The following PEX14 variants were observed in gnomAD, a reference collection of about 807,000 sequenced individuals.
PEX14 encodes the protein peroxisomal biogenesis factor 14.
A neutral mutation model predicts 49.5 loss-of-function variants in PEX14; 15 were observed. The observed-to-expected ratio is 0.30, with a 90% CI of 0.20 to 0.47. PEX14 has a LOEUF of 0.47. Among genes scored for constraint, PEX14 ranks in the 20% least tolerant of loss-of-function variants. The pLI is 1.00. For synonymous variants in PEX14, 210 were observed against 212.7 expected (o/e 0.99, Z 0.11); for missense variants, 398 against 494.8 (o/e 0.80, Z 1.86).
Position 10,630,134 on chromosome 1 carries a change from C to A in PEX14, c.*147C>A. The A allele has an allele frequency of 1.6e-6, 2 of 1,273,114 alleles. No individual in the cohort carries two copies. Among genetic ancestry groups the A allele is most frequent in the Admixed American group, 2.4e-5 (1 of 41,424 alleles). The allele number at this position is 1,273,114 out of a possible 1,614,324, so 78.9% of individuals were successfully genotyped here. A position where few individuals can be genotyped will look rare whatever the true frequency, so the allele number is the denominator to read the frequency against. On this transcript the variant is annotated 3_prime_UTR_variant, in exon 9 of 9. Coordinates refer to ENST00000356607, the MANE Select transcript of PEX14 (RefSeq NM_004565.3). The surrounding 1 kb of genome is among the most constrained non-coding windows in gnomAD (Gnocchi z 4.1). ...CCTCAGCTGCACTGCGGCCTGGTGG[C>A]AGTGTGGGGAGTCACACTTCTGTCC...
intron 3 of PEX14, among the ~76,000 whole-genome samples, chr1:10,543,256 TCCCGAGTAA>T (rs1639071175): frequency 6.6e-6 from 1 of 152,360 alleles, no homozygotes; most frequent in South Asian, 2.1e-4. Context: ...TGCCTCAGCC[TCCCGAGTAA>T]CTGGGATTAC....
intron 3 of PEX14, among the ~76,000 whole-genome samples, chr1:10,558,505 C>G (rs1398139212): frequency 6.6e-6 from 1 of 151,866 alleles, no homozygotes. Flanking sequence ...GAGGCCGAGA[C>G]AGGTAGATCA....
intron 4 of PEX14, among the ~76,000 whole-genome samples, chr1:10,605,110 C>T (rs1273603806): frequency 6.6e-6 from 1 of 152,018 alleles, no homozygotes; most frequent in Non-Finnish European, 1.5e-5. Flanking sequence ...AGTTCTGAGG[C>T]TTAAAAAAAT....
chr1:10,480,857 CTCTA>C (rs755362879), intron 1 of PEX14, among the ~76,000 whole-genome samples: 41 of 139,560 alleles, frequency 2.9e-4, no homozygotes, highest in South Asian at 2.7e-3. Context: ...CTCTCTCTCT[CTCTA>C]TATATATATT....
intron 3 of PEX14, among the ~76,000 whole-genome samples, chr1:10,598,437 A>G (rs1180919859): frequency 2.0e-5 from 3 of 152,180 alleles, no homozygotes; most frequent in Admixed American, 6.5e-5. Context: ...TGCGGCCTTC[A>G]TGGGTTTTCA....
rs759031948 is a variant in PEX14 at position 10,629,480 on chromosome 1, G to A, written c.678-51G>A. 1.5e-6 allele frequency: 2 copies of A among 1,331,902 alleles called. No individual in the cohort carries two copies. Among genetic ancestry groups the A allele is most frequent in the South Asian group, 2.3e-5 (2 of 85,116 alleles). 82.5% of individuals were successfully genotyped at this position (1,331,902 alleles called of 1,614,324 possible). A position where few individuals can be genotyped will look rare whatever the true frequency, so the allele number is the denominator to read the frequency against. ...TCAGGGAAGGCGTGGCCCTTCGAAG[G>A]GGGGCGTCCTGAATGCCGCCACCAA... On this transcript the variant is annotated intron_variant, in intron 8 of 8. Coordinates refer to ENST00000356607, the MANE Select transcript of PEX14 (RefSeq NM_004565.3). This position sits in a 1 kb window ranked among gnomAD's most constrained non-coding sequence, Gnocchi z 8.5.
At chr1:10,617,904 G>A (rs993656451) in intron 4 of PEX14, among the ~76,000 whole-genome samples, 3 of 152,086 alleles carry the variant, frequency 2.0e-5, no homozygotes, top group African/African-American at 7.2e-5. Flanking sequence ...TGGTTCTGCT[G>A]TGGCCCCCAG....
intron 3 of PEX14, among the ~76,000 whole-genome samples, chr1:10,547,158 C>T (rs1346390685): frequency 1.3e-5 from 2 of 152,170 alleles, no homozygotes; most frequent in Non-Finnish European, 2.9e-5. Flanking sequence ...CCTGGAAAAG[C>T]AACGACAGGA....
chr1:10,496,375 A>C (rs1409785301), intron 2 of PEX14, among the ~76,000 whole-genome samples: 1 of 152,130 alleles, frequency 6.6e-6, no homozygotes, highest in African/African-American at 2.4e-5. Context: ...GGTATTGCCC[A>C]GTTCCTTCCT....
chr1:10,490,087 T>A (rs1345224684), intron 1 of PEX14, among the ~76,000 whole-genome samples: 1 of 152,126 alleles, frequency 6.6e-6, no homozygotes, highest in Non-Finnish European at 1.5e-5. Flanking sequence ...GAGGTGGTGG[T>A]ATTATTCCCG....
intron 3 of PEX14, among the ~76,000 whole-genome samples, chr1:10,592,676 CT>C (rs1279433474): frequency 2.6e-5 from 4 of 152,210 alleles, no homozygotes; most frequent in Admixed American, 6.5e-5. Context: ...GTACGTCTGC[CT>C]TGTGGAATAA....
chr1:10,568,325 C>T (rs74973269), intron 3 of PEX14, among the ~76,000 whole-genome samples: 11 of 866 alleles, frequency 0.013, no homozygotes, highest in South Asian at 0.083. Flanking sequence ...GATACTCTTC[C>T]CCCCCCCCCC....
intron 3 of PEX14, among the ~76,000 whole-genome samples, chr1:10,565,123 C>T (rs1485784280): frequency 2.0e-5 from 3 of 152,112 alleles, no homozygotes; most frequent in Admixed American, 1.3e-4. Flanking sequence ...AGGCTGGTCT[C>T]GAACTCCTGA....
At chr1:10,477,980 C>T (rs145683960) in intron 1 of PEX14, among the ~76,000 whole-genome samples, 5,790 of 152,136 alleles carry the variant, frequency 0.038, 379 homozygotes, top group African/African-American at 0.13. Context: ...CCTCCGCCTC[C>T]CAGGTTCAAG....
At chr1:10,504,322 G>T (rs1309289558) in intron 2 of PEX14, among the ~76,000 whole-genome samples, 1 of 152,182 alleles carries the variant, frequency 6.6e-6, no homozygotes, top group Non-Finnish European at 1.5e-5. Context: ...TAGAGATGGG[G>T]CCGACACTGA....
chr1:10,623,844 C>T lies in PEX14; in HGVS notation c.488-496C>T, dbSNP rs929674993. ...CAAGGTCCTGAGGGGTCACGGGACA[C>T]CAGGGAGTTGAGCAGGCAGCTTGGG... On this transcript the variant is annotated intron_variant, in intron 6 of 8. Transcript: ENST00000356607. The surrounding 1 kb of genome is among the most constrained non-coding windows in gnomAD (Gnocchi z 4.4). 6.6e-6 allele frequency among the ~76,000 whole-genome samples: 1 copy of T among 152,096 alleles called. No homozygotes were observed. The highest frequency in any genetic ancestry group is 1.5e-5 in the Non-Finnish European group (1 of 68,028).
chr1:10,498,279 C>T (rs1050627567), intron 2 of PEX14, among the ~76,000 whole-genome samples: 1 of 116,072 alleles, frequency 8.6e-6, no homozygotes, highest in Non-Finnish European at 1.9e-5. Context: ...GGCCCTGTCT[C>T]TAAAACAAAA....
intron 2 of PEX14, among the ~76,000 whole-genome samples, chr1:10,518,708 TAATA>T (rs1359286224): frequency 1.3e-5 from 2 of 152,216 alleles, no homozygotes; most frequent in African/African-American, 4.8e-5. Context: ...CTGCTATATG[TAATA>T]AATATATATT....
At chr1:10,604,106 C>G (rs1482365541) in intron 4 of PEX14, among the ~76,000 whole-genome samples, 3 of 152,234 alleles carry the variant, frequency 2.0e-5, no homozygotes, top group Non-Finnish European at 2.9e-5. Context: ...CCTGGTCGCT[C>G]TCTCTGGTTG....
Sources: allele counts gnomAD v4.1 joint callset (sites outside exome capture counted in the v4.1 genomes callset), GRCh38; gene constraint gnomAD v4.1.1; non-coding constraint Gnocchi (gnomAD v3.1); transcripts MANE v1.5; gene names NCBI Gene and HGNC (gene_info 2026-07-23, HGNC 2026-07-21).